The following UXS1 variants were observed in gnomAD, a reference collection of about 807,000 sequenced individuals.
UXS1 encodes UDP-glucuronic acid decarboxylase 1.
Under a neutral mutation model 62.6 loss-of-function variants are expected in UXS1, and 33 were observed. The ratio of observed to expected loss-of-function variants is 0.53; its 90% CI spans 0.40 to 0.70. UXS1 has a LOEUF of 0.70. Among genes scored for constraint, UXS1 ranks in the 30% least tolerant of loss-of-function variants. The pLI, the probability that UXS1 is intolerant of heterozygous loss-of-function variation, is 0.00. For missense variants in UXS1, 434 were observed against 556.3 expected, an observed-to-expected ratio of 0.78 and a Z score of 2.21; for synonymous variants, 213 against 206.8, an observed-to-expected ratio of 1.03 and a Z score of -0.26.
At chr2:106,096,374 T>C (rs1054141458) in intron 14 of UXS1, among the ~76,000 whole-genome samples, 30 of 152,224 alleles carry the variant, frequency 2.0e-4, no homozygotes, top group African/African-American at 7.2e-4. Context: ...AGTGTATATA[T>C]GACAGTGTGA....
At chr2:106,165,812 G>A (rs1444808264) in intron 2 of UXS1, among the ~76,000 whole-genome samples, 2 of 54,034 alleles carry the variant, frequency 3.7e-5, no homozygotes, top group Non-Finnish European at 1.4e-4. Flanking sequence ...TACACAAGGA[G>A]GGAAGCGGGG....
chr2:106,151,514 G>A (rs540229286), intron 5 of UXS1, among the ~76,000 whole-genome samples: 5 of 152,196 alleles, frequency 3.3e-5, no homozygotes, highest in East Asian at 1.9e-4. Flanking sequence ...CTTCTGCCAC[G>A]GGATGACGCA....
At chr2:106,126,711 T>C (rs906858691) in intron 7 of UXS1, among the ~76,000 whole-genome samples, 3 of 152,206 alleles carry the variant, frequency 2.0e-5, no homozygotes, top group African/African-American at 4.8e-5. Flanking sequence ...CAAAGTAGTA[T>C]AGGGACCTTA....
rs1162950392 is a variant in UXS1 at position 106,120,447 on chromosome 2, G to A, written c.759+2523C>T. On this transcript the variant is annotated intron_variant, in intron 9 of 14. Coordinates refer to ENST00000283148, the MANE Select transcript of UXS1 (RefSeq NM_001253875.2). ...ACGGGTAGGGTCCGTGGGAAAGGGT[G>A]GCAATATCACACCTGCTTACATGCC... is the stretch of plus-strand genomic sequence containing the variant. Among the ~76,000 whole-genome samples, 3 of 152,198 alleles carry A rather than the reference G, an allele frequency of 2.0e-5. No individual in the cohort carries two copies. In the East Asian group the frequency reaches 5.8e-4, roughly 29 times the overall value.
At chr2:106,189,241 A>C (rs1300584127) in intron 1 of UXS1, among the ~76,000 whole-genome samples, 1 of 152,222 alleles carries the variant, frequency 6.6e-6, no homozygotes, top group Non-Finnish European at 1.5e-5. Context: ...TGCTGGATAA[A>C]ATACACCAAG....
At chr2:106,166,239 A>G in intron 1 of UXS1, 156 bp from the exon 2 acceptor site, 1 of 707,398 alleles carries the variant, frequency 1.4e-6, no homozygotes, top group Non-Finnish European at 2.3e-6. Flanking sequence ...CAAAACAATT[A>G]AATCTTACTA....
At chr2:106,109,427 A>G (rs1198892589) in intron 10 of UXS1, among the ~76,000 whole-genome samples, 3 of 152,178 alleles carry the variant, frequency 2.0e-5, no homozygotes, top group African/African-American at 7.2e-5. Context: ...GAAGAATAGC[A>G]AGGCTTTTAA....
intron 10 of UXS1, among the ~76,000 whole-genome samples, chr2:106,111,375 C>T: frequency 6.6e-6 from 1 of 152,276 alleles, no homozygotes; most frequent in East Asian, 1.9e-4. Flanking sequence ...GAGCCTAAAG[C>T]TGAGTTTGGA....
intron 1 of UXS1, among the ~76,000 whole-genome samples, chr2:106,172,006 T>C (rs1040278111): frequency 1.8e-4 from 28 of 152,202 alleles, no homozygotes; most frequent in African/African-American, 6.3e-4. Flanking sequence ...GGCTTTGCCT[T>C]CTTTCCAATG....
intron 9 of UXS1, among the ~76,000 whole-genome samples, chr2:106,117,386 G>T (rs114263899): frequency 6.6e-6 from 1 of 152,176 alleles, no homozygotes; most frequent in Admixed American, 6.5e-5. Context: ...CCAGAAATAT[G>T]CCTGGGAACT....
chr2:106,103,383 C>T (rs1472506585), intron 11 of UXS1, among the ~76,000 whole-genome samples: 4 of 152,112 alleles, frequency 2.6e-5, no homozygotes, highest in Admixed American at 6.6e-5. Flanking sequence ...TGAGGCAGCC[C>T]GAGGCAGGCA....
chr2:106,113,783 C>T (rs942639418), intron 9 of UXS1, among the ~76,000 whole-genome samples: 4 of 152,184 alleles, frequency 2.6e-5, no homozygotes, highest in Admixed American at 2.0e-4. Context: ...CCCATGTGTC[C>T]GCCGTTCCCG....
chr2:106,156,561 A>G (rs983729097), intron 5 of UXS1, among the ~76,000 whole-genome samples: 1 of 152,194 alleles, frequency 6.6e-6, no homozygotes, highest in African/African-American at 2.4e-5. Flanking sequence ...AATTGGTTCC[A>G]GGACCGCACC....
chr2:106,117,672 G>A (rs1345948532), intron 9 of UXS1, among the ~76,000 whole-genome samples: 1 of 152,198 alleles, frequency 6.6e-6, no homozygotes, highest in Non-Finnish European at 1.5e-5. Context: ...ATGCCAGGAA[G>A]TGCACCAAGG....
At chr2:106,163,526 G>A (rs1027220893) in intron 4 of UXS1, 141 bp downstream of exon 4, 8 of 508,254 alleles carry the variant, frequency 1.6e-5, no homozygotes, top group Non-Finnish European at 2.8e-5. Context: ...GTTCTATCTG[G>A]GTATTACACT....
chr2:106,098,050 A>AT (rs1677270707), intron 13 of UXS1, among the ~76,000 whole-genome samples: 1 of 151,970 alleles, frequency 6.6e-6, no homozygotes, highest in Non-Finnish European at 1.5e-5. Context: ...ACTGTGGCAT[A>AT]CTCCTCCTTG....
Position 106,123,002 on chromosome 2 carries a change from C to A in UXS1, c.727G>T (p.Ala243Ser), listed in dbSNP as rs1679643997. 6.2e-7 allele frequency: 1 copy of A among 1,613,966 alleles called. No individual in the cohort carries two copies. The highest frequency in any genetic ancestry group is 8.5e-7 in the Non-Finnish European group (1 of 1,179,858). Reference protein sequence around the residue: ...RACYDEGKRVAETMCYAYMKQ... With the variant: ...RACYDEGKRVSETMCYAYMKQ... ...ATGTAGGCATAGCACATGGTCTCTG[C>A]AACACGTTTGCCTTCATCGTAGCAG... The change falls in exon 9 of 15, where the codon GCA becomes TCA. Residue 243 changes from alanine to serine, a missense_variant. Transcript: ENST00000283148.
intron 1 of UXS1, among the ~76,000 whole-genome samples, chr2:106,175,333 G>A (rs779069604): frequency 1.4e-4 from 21 of 152,188 alleles, no homozygotes; most frequent in Non-Finnish European, 2.5e-4. Flanking sequence ...GAGCTGTATC[G>A]AAAAGCTTCA....
chr2:106,094,591 AC>A (rs1302865868), intron 14 of UXS1, among the ~76,000 whole-genome samples: 1 of 152,130 alleles, frequency 6.6e-6, no homozygotes, highest in Non-Finnish European at 1.5e-5. Flanking sequence ...TCTGATCAAC[AC>A]GCCTGATTCT....
Sources: allele counts gnomAD v4.1 joint callset (sites outside exome capture counted in the v4.1 genomes callset), GRCh38; gene constraint gnomAD v4.1.1; transcripts MANE v1.5; gene names NCBI Gene and HGNC (gene_info 2026-07-23, HGNC 2026-07-21).